Variants in EZH2 observed in about 807,000 individuals in gnomAD.
The protein encoded by EZH2 is histone-lysine N-methyltransferase EZH2.
A neutral mutation model predicts 98.4 loss-of-function variants in EZH2; 18 were observed. The observed-to-expected ratio is 0.18, with a 90% confidence interval of 0.13 to 0.27. EZH2 has a LOEUF of 0.27. Ranked by LOEUF, EZH2 falls within the 10% of genes least tolerant of loss-of-function variation. The pLI, the probability that EZH2 is intolerant of heterozygous loss-of-function variation, is 1.00. For missense variants in EZH2, 470 were observed against 935.1 expected (o/e 0.50, Z 6.49); for synonymous variants, 338 against 312.3 (o/e 1.08, Z -0.87).
At chr7:148,878,512 C>T (rs1399967379) in intron 1 of EZH2, among the ~76,000 whole-genome samples, 1 of 152,150 alleles carries the variant, frequency 6.6e-6, no homozygotes, top group Non-Finnish European at 1.5e-5. Context: ...ACTCCTTTTA[C>T]GTCTTTATTT....
chr7:148,883,619 C>A (rs1201617256), intron 1 of EZH2: 1 of 150,370 alleles, frequency 6.7e-6, no homozygotes, highest in South Asian at 2.1e-4. Flanking sequence ...CCTCCCCACG[C>A]CCCTCTCCCG....
intron 1 of EZH2, among the ~76,000 whole-genome samples, chr7:148,881,188 A>T (rs1250396263): frequency 6.6e-6 from 1 of 152,220 alleles, no homozygotes; most frequent in Non-Finnish European, 1.5e-5. Context: ...CACAGAATAC[A>T]TTATATTGGA....
chr7:148,823,123 T>A (rs961975615), intron 8 of EZH2, among the ~76,000 whole-genome samples: 1 of 152,226 alleles, frequency 6.6e-6, no homozygotes, highest in African/African-American at 2.4e-5. Flanking sequence ...TTTTCACTTA[T>A]AAAATCAATT....
rs924758768 is a variant in EZH2, at chr7:148,810,896, C to CAAAAAA, written c.1948-488_1948-483dup. 7.2e-3 allele frequency among the ~76,000 whole-genome samples: 314 copies of CAAAAAA among 43,660 alleles called. 2 individuals are homozygous for CAAAAAA. The highest frequency in any genetic ancestry group is 0.026 in the African/African-American group (298 of 11,650). 28.6% of individuals were successfully genotyped at this position (43,660 alleles called of 152,430 possible). ...GGGCAACAAGAGCGAAACTCTGTCT[C>CAAAAAA]AAAAAAAAAAAAAAAAAAAAAAAAA... On this transcript the variant is annotated intron_variant, in intron 16 of 19. Transcript: ENST00000320356.
chr7:148,837,690 A>G (rs1327934481), intron 3 of EZH2, among the ~76,000 whole-genome samples: 2 of 152,244 alleles, frequency 1.3e-5, no homozygotes, highest in African/African-American at 4.8e-5. Context: ...GAGAAGGGAG[A>G]TTGAAGACGA....
At chr7:148,850,146 G>C (rs1348577133) in intron 1 of EZH2, among the ~76,000 whole-genome samples, 3 of 152,000 alleles carry the variant, frequency 2.0e-5, no homozygotes, top group Non-Finnish European at 2.9e-5. Flanking sequence ...AGCCTCCCAA[G>C]TAGGTGGGAC....
intron 1 of EZH2, among the ~76,000 whole-genome samples, chr7:148,881,858 C>T (rs1399643458): frequency 6.6e-6 from 1 of 150,858 alleles, no homozygotes; most frequent in African/African-American, 2.4e-5. Flanking sequence ...TCCTTAAACC[C>T]GGGAGGCAGA....
At chr7:148,825,395 A>G (rs1009008258) in intron 8 of EZH2, among the ~76,000 whole-genome samples, 2 of 152,236 alleles carry the variant, frequency 1.3e-5, no homozygotes, top group Non-Finnish European at 2.9e-5. Flanking sequence ...TGATAATTCT[A>G]AAAATCTACT....
chr7:148,810,064 A>G (rs1802605312), intron 17 of EZH2: 1 of 343,960 alleles, frequency 2.9e-6, no homozygotes, highest in African/African-American at 2.0e-5. Flanking sequence ...CAGCAAGAGC[A>G]CAACGTCCCC....
chr7:148,881,937 A>AC (rs1821021884), intron 1 of EZH2, among the ~76,000 whole-genome samples: 1 of 142,634 alleles, frequency 7.0e-6, no homozygotes. Context: ...CTGTCTCAAA[A>AC]AAAAAAAAAC....
intron 3 of EZH2, among the ~76,000 whole-genome samples, chr7:148,834,127 T>C (rs566147879): frequency 2.0e-5 from 3 of 152,284 alleles, no homozygotes; most frequent in East Asian, 1.9e-4. Flanking sequence ...TTTTGCATCT[T>C]TGATTCTCTG....
At chr7:148,839,320 C>T (rs948451711) in intron 3 of EZH2, among the ~76,000 whole-genome samples, 2 of 151,956 alleles carry the variant, frequency 1.3e-5, no homozygotes, top group African/African-American at 4.8e-5. Context: ...AATTAAAAAC[C>T]AAATCCCCTA....
intron 19 of EZH2, among the ~76,000 whole-genome samples, chr7:148,808,399 G>A (rs563767279): frequency 6.6e-6 from 1 of 152,366 alleles, no homozygotes; most frequent in South Asian, 2.1e-4. Flanking sequence ...ACAGCTTCTG[G>A]ATGGGATGTA....
At chr7:148,866,517 T>C (rs534514312) in intron 1 of EZH2, among the ~76,000 whole-genome samples, 6 of 96,948 alleles carry the variant, frequency 6.2e-5, no homozygotes, top group African/African-American at 2.4e-4. Context: ...TACATATATA[T>C]GTGTATATAC....
intron 3 of EZH2, among the ~76,000 whole-genome samples, chr7:148,844,029 C>T (rs1305251176): frequency 6.6e-6 from 1 of 152,148 alleles, no homozygotes; most frequent in Non-Finnish European, 1.5e-5. Context: ...TTAATTAAAA[C>T]AATGCTATAA....
chr7:148,811,696 C>G lies in EZH2; in HGVS notation c.1876G>C (p.Val626Leu), dbSNP rs587783625. 1 of 1,613,014 alleles carries G rather than the reference C, an allele frequency of 6.2e-7. No homozygotes were observed. The highest frequency in any genetic ancestry group is 8.5e-7 in the Non-Finnish European group (1 of 1,180,002). Residue 626 changes from valine to leucine, a missense_variant, in exon 16 of 20, where the codon GTG becomes CTG. Transcript: ENST00000320356. Reference protein sequence around the residue: ...KKHLLLAPSDVAGWGIFIKDP... With the variant: ...KKHLLLAPSDLAGWGIFIKDP... ...TTGATAAAAATCCCCCAGCCTGCCA[C>G]GTCAGATGGTGCCAGCAATAGATGC...
rs1449218793 is a variant in EZH2, at chr7:148,807,612, C to CTGTT, written c.*30_*33dup. 1 of 1,488,600 alleles carries CTGTT rather than the reference C, an allele frequency of 6.7e-7. No homozygotes were observed. The highest frequency in any genetic ancestry group is 2.3e-5 in the African/African-American group (1 of 43,664). 92.2% of individuals were successfully genotyped at this position (1,488,600 alleles called of 1,614,324 possible). On this transcript the variant is annotated 3_prime_UTR_variant, in exon 20 of 20. Coordinates refer to ENST00000320356, the MANE Select transcript of EZH2 (RefSeq NM_004456.5). ...CTCGAGGTTCCTGAAGCTAAGGCAGCTGTTTCAGAGGAGGGGGGAGGAGGT... is the reference window on the plus strand; with the variant it reads ...CTCGAGGTTCCTGAAGCTAAGGCAGCTGTTTGTTTCAGAGGAGGGGGGAGGAGGT...
At position 148,866,594 on chromosome 7, in the gene EZH2, C is replaced by T. The variant is rs547179376; in HGVS notation, c.-8+17570G>A. On this transcript the variant is annotated intron_variant, in intron 1 of 19. Transcript: ENST00000320356. Reference sequence around the variant, plus strand: ...TATACGTATATACATATATTGTATACACTATATATTATATATAATATATAT... The same window carrying T: ...TATACGTATATACATATATTGTATATACTATATATTATATATAATATATAT... Among the ~76,000 whole-genome samples the T allele has an allele frequency of 2.8e-5, 3 of 108,308 alleles. No homozygotes were observed. The East Asian group carries it at 6.3e-4, about 23-fold the overall frequency. The allele number at this position is 108,308 out of a possible 152,430, so 71.1% of individuals were successfully genotyped here. A position where few individuals can be genotyped will look rare whatever the true frequency, so the allele number is the denominator to read the frequency against.
At chr7:148,857,218 T>C (rs533852641) in intron 1 of EZH2, among the ~76,000 whole-genome samples, 1 of 152,084 alleles carries the variant, frequency 6.6e-6, no homozygotes, top group African/African-American at 2.4e-5. Context: ...TAAGAGGTCA[T>C]GAAAAATAAG....
Sources: gnomAD v4.1 joint callset for allele counts (sites outside exome capture counted in the v4.1 genomes callset) on GRCh38, gnomAD v4.1.1 for gene constraint, MANE v1.5 for transcripts, NCBI Gene and HGNC (gene_info 2026-07-23, HGNC 2026-07-21) for gene names.